FUBP3: variants seen among roughly 807,000 people sequenced by gnomAD.
The protein encoded by FUBP3 is far upstream element-binding protein 3.
Under a neutral mutation model 85.6 loss-of-function variants are expected in FUBP3, and 28 were observed. The ratio of observed to expected loss-of-function variants is 0.33; its 90% CI spans 0.24 to 0.45. The LOEUF is 0.45. Ranked by LOEUF, FUBP3 falls within the 20% of genes least tolerant of loss-of-function variation. The probability of loss-of-function intolerance (pLI) is 1.00; values close to 1 mark genes in which losing one functional copy is unlikely to be tolerated. For synonymous variants in FUBP3, 271 were observed against 271.4 expected (o/e 1.00, Z 0.01); for missense variants, 583 against 755.1 (o/e 0.77, Z 2.67).
chr9:130,631,262 G>A, intron 13 of FUBP3: 2 of 1,324,376 alleles, frequency 1.5e-6, no homozygotes, highest in Non-Finnish European at 1.9e-6. Flanking sequence ...AAGAGCCTTG[G>A]GCCAGCCTAA....
intron 12 of FUBP3, among the ~76,000 whole-genome samples, chr9:130,630,002 C>T (rs1466753498): frequency 1.3e-5 from 2 of 152,204 alleles, no homozygotes; most frequent in South Asian, 2.1e-4. Flanking sequence ...TTTGTTAGCC[C>T]GGCTCCACCC....
chr9:130,619,024 C>T (rs1277963744), intron 8 of FUBP3, among the ~76,000 whole-genome samples: 3 of 152,202 alleles, frequency 2.0e-5, no homozygotes, highest in Non-Finnish European at 4.4e-5. Flanking sequence ...ATTTAAGGAA[C>T]CAGATTGCCT....
At chr9:130,621,171 A>G (rs1829730298) in intron 9 of FUBP3, among the ~76,000 whole-genome samples, 2 of 152,160 alleles carry the variant, frequency 1.3e-5, no homozygotes, top group Admixed American at 1.3e-4. Context: ...AGAAAAATGA[A>G]GGAAAAAAAT....
Position 130,620,429 on chromosome 9 carries a change from A to G in FUBP3, c.742A>G (p.Asn248Asp). 2.5e-6 allele frequency: 4 copies of G among 1,600,566 alleles called. No individual in the cohort carries two copies. The South Asian group carries it at 3.4e-5, about 13-fold the overall frequency. The change falls in exon 9 of 19, where the codon AAC becomes GAC. Residue 248 changes from asparagine to aspartate, a missense_variant. Transcript: ENST00000319725. ...ADFRGVRGDF[N>D]SRMGGGSIEV... The stretch of plus-strand genomic sequence containing the variant: ...CTTTCGGGGTGTACGCGGCGATTTC[A>G]ACTCTCGAATGGGAGGAGGCAGTAT...
intron 1 of FUBP3, among the ~76,000 whole-genome samples, chr9:130,595,051 A>G (rs1324887101): frequency 6.6e-6 from 1 of 151,398 alleles, no homozygotes; most frequent in Non-Finnish European, 1.5e-5. Context: ...ACATGGAGAA[A>G]CCCTGTCTCT....
intron 8 of FUBP3, among the ~76,000 whole-genome samples, chr9:130,618,269 C>T (rs1358123274): frequency 2.0e-5 from 3 of 152,120 alleles, no homozygotes; most frequent in Admixed American, 2.0e-4. Context: ...GTTTTGTTTC[C>T]CCCACGTCAT....
chr9:130,599,381 GTGTA>G (rs750592535), intron 2 of FUBP3, among the ~76,000 whole-genome samples: 17 of 134,014 alleles, frequency 1.3e-4, no homozygotes, highest in East Asian at 6.9e-4. Context: ...GTGTGTGTGT[GTGTA>G]TATATATATA....
intron 2 of FUBP3, among the ~76,000 whole-genome samples, chr9:130,601,608 C>CT (rs957294826): frequency 1.5e-4 from 23 of 150,752 alleles, no homozygotes; most frequent in African/African-American, 3.4e-4. Flanking sequence ...TATGTAGCAC[C>CT]TTTTTTTTTG....
chr9:130,587,124 G>A (rs1286331815), intron 1 of FUBP3, among the ~76,000 whole-genome samples: 1 of 150,530 alleles, frequency 6.6e-6, no homozygotes, highest in Non-Finnish European at 1.5e-5. Flanking sequence ...GAAGGCAGTG[G>A]CATGATCTCG....
At position 130,603,369 on chromosome 9, in the gene FUBP3, C is replaced by G. The variant is rs76952098; in HGVS notation, c.191-6585C>G. Among the ~76,000 whole-genome samples the G allele has an allele frequency of 3.1e-3, 346 of 111,392 alleles. 5 individuals carry two copies. The highest frequency in any genetic ancestry group is 0.014 in the Middle Eastern group (3 of 216). 73.1% of individuals were successfully genotyped at this position (111,392 alleles called of 152,430 possible). ...CTCCAAAAAAAAAAAAAAAAAAAAA[C>G]AAATAGTGAAGGGGACAGGGTCTGA... On this transcript the variant is annotated intron_variant, in intron 2 of 18. Transcript: ENST00000319725.
At chr9:130,631,878 C>A in intron 14 of FUBP3, 64 bp from the exon 15 acceptor site, 1 of 1,218,316 alleles carries the variant, frequency 8.2e-7, no homozygotes, top group Non-Finnish European at 1.2e-6. Flanking sequence ...CCTGGGGCTG[C>A]GGGGAGGGGA....
At chr9:130,609,454 C>T (rs887887338) in intron 2 of FUBP3, among the ~76,000 whole-genome samples, 49 of 38,350 alleles carry the variant, frequency 1.3e-3, no homozygotes, top group African/African-American at 4.9e-3. Context: ...GGGGGGCCGG[C>T]GAGGGGGGCA....
intron 16 of FUBP3, among the ~76,000 whole-genome samples, chr9:130,634,295 C>T (rs1830330901): frequency 6.6e-6 from 1 of 152,228 alleles, no homozygotes; most frequent in Non-Finnish European, 1.5e-5. Context: ...AGAGGCACAG[C>T]CCCCAGGCCT....
intron 9 of FUBP3, 75 bp downstream of exon 9, chr9:130,620,533 T>A: frequency 1.4e-6 from 1 of 693,452 alleles, no homozygotes; most frequent in Non-Finnish European, 2.5e-6. Context: ...GTTAGCTCTT[T>A]AACCCTGAGC....
chr9:130,623,256 G>A (rs756990573), intron 10 of FUBP3, among the ~76,000 whole-genome samples: 2 of 152,068 alleles, frequency 1.3e-5, no homozygotes, highest in Non-Finnish European at 2.9e-5. Flanking sequence ...AATTTTCGAC[G>A]TGGTCTGAAA....
intron 2 of FUBP3, among the ~76,000 whole-genome samples, chr9:130,603,679 G>A (rs1160640436): frequency 6.6e-6 from 1 of 152,166 alleles, no homozygotes; most frequent in African/African-American, 2.4e-5. Context: ...AGCTAAACCT[G>A]CAGCATCAAT....
intron 2 of FUBP3, chr9:130,596,584 A>G (rs957084720): frequency 2.9e-6 from 1 of 343,232 alleles, no homozygotes; most frequent in African/African-American, 2.3e-5. Context: ...GCGCCGTTGA[A>G]CTCCTGGGCT....
Position 130,635,973 on chromosome 9 carries a change from C to T in FUBP3, c.1583-26C>T. 6.2e-7 allele frequency: 1 copy of T among 1,611,790 alleles called. No homozygotes were observed. The highest frequency in any genetic ancestry group is 8.5e-7 in the Non-Finnish European group (1 of 1,179,034). On this transcript the variant is annotated intron_variant, in intron 17 of 18. Coordinates refer to ENST00000319725, the MANE Select transcript of FUBP3 (RefSeq NM_003934.2). The surrounding 1 kb of genome is among the most constrained non-coding windows in gnomAD (Gnocchi z 4.3). ...CCCAGTGCACCTCCGCTCCCGATAA[C>T]CTGTGTTTCCTCCTTTGTCAACCAG...
At chr9:130,629,435 C>T (rs1199401820) in intron 12 of FUBP3, among the ~76,000 whole-genome samples, 1 of 152,264 alleles carries the variant, frequency 6.6e-6, no homozygotes, top group African/African-American at 2.4e-5. Flanking sequence ...TCTTTTCTCC[C>T]CCGTAAGGGC....
Sources: allele counts gnomAD v4.1 joint callset (sites outside exome capture counted in the v4.1 genomes callset), GRCh38; gene constraint gnomAD v4.1.1; non-coding constraint Gnocchi (gnomAD v3.1); transcripts MANE v1.5; gene names NCBI Gene and HGNC (gene_info 2026-07-23, HGNC 2026-07-21).